FLVCR2: variants seen among roughly 807,000 people sequenced by gnomAD.
FLVCR2 encodes FLVCR choline and putative heme transporter 2.
A neutral mutation model predicts 48.9 loss-of-function variants in FLVCR2; 38 were observed. The ratio of observed to expected loss-of-function variants is 0.78; its 90% CI spans 0.60 to 1.02. The LOEUF (loss-of-function observed/expected upper bound fraction) is 1.02. Ranked by LOEUF, FLVCR2 falls within the 50% of genes least tolerant of loss-of-function variation. FLVCR2 has a pLI of 0.00. For missense variants in FLVCR2, 664 were observed against 663.3 expected (o/e 1.00, Z -0.01); for synonymous variants, 255 against 257.0 (o/e 0.99, Z 0.07).
intron 1 of FLVCR2, among the ~76,000 whole-genome samples, chr14:75,588,089 AT>A (rs953153190): frequency 6.6e-6 from 1 of 152,100 alleles, no homozygotes; most frequent in African/African-American, 2.4e-5. Flanking sequence ...AAAGATGTAA[AT>A]TTTTTTTAAG....
intron 1 of FLVCR2, among the ~76,000 whole-genome samples, chr14:75,597,596 G>T (rs907390100): frequency 6.6e-6 from 1 of 151,648 alleles, no homozygotes; most frequent in Non-Finnish European, 1.5e-5. Context: ...TTGAGATAGA[G>T]TCTCACTTTG....
intron 1 of FLVCR2, among the ~76,000 whole-genome samples, chr14:75,611,076 C>T (rs1889432689): frequency 6.6e-6 from 1 of 152,182 alleles, no homozygotes; most frequent in South Asian, 2.1e-4. Context: ...GTCAATGTCC[C>T]TGTCCTCAAG....
chr14:75,606,948 A>C (rs75921818), intron 1 of FLVCR2, among the ~76,000 whole-genome samples: 1 of 150,288 alleles, frequency 6.7e-6, no homozygotes, highest in Non-Finnish European at 1.5e-5. Flanking sequence ...TGTCTTAAGA[A>C]AAAAAAAAAA....
intron 1 of FLVCR2, among the ~76,000 whole-genome samples, chr14:75,586,653 G>C (rs1480202762): frequency 1.3e-5 from 2 of 152,100 alleles, no homozygotes; most frequent in East Asian, 3.9e-4. Context: ...TACCAGGAAG[G>C]TAATCACCTT....
chr14:75,633,161 G>A (rs1890087441), intron 3 of FLVCR2, among the ~76,000 whole-genome samples: 1 of 152,194 alleles, frequency 6.6e-6, no homozygotes, highest in Admixed American at 6.5e-5. Context: ...GAAAGTTGGA[G>A]GAGGAATGGA....
intron 1 of FLVCR2, 100 bp downstream of exon 1, chr14:75,579,741 T>C (rs1250614050): frequency 7.5e-7 from 1 of 1,327,798 alleles, no homozygotes; most frequent in Admixed American, 1.9e-5. Context: ...CCAACAGTGT[T>C]TGTGACTCTG....
At chr14:75,581,826 A>T (rs1888616715) in intron 1 of FLVCR2, among the ~76,000 whole-genome samples, 1 of 152,192 alleles carries the variant, frequency 6.6e-6, no homozygotes, top group Non-Finnish European at 1.5e-5. Context: ...TGGAACACTG[A>T]GAAGTGATTT....
intron 2 of FLVCR2, 26 bp downstream of exon 2, chr14:75,622,246 G>A (rs758344932): frequency 2.5e-6 from 4 of 1,612,976 alleles, no homozygotes; most frequent in South Asian, 1.1e-5. Context: ...AACAGATGGG[G>A]TAGCAGGGGG....
At chr14:75,586,061 C>A (rs940831088) in intron 1 of FLVCR2, among the ~76,000 whole-genome samples, 1 of 152,162 alleles carries the variant, frequency 6.6e-6, no homozygotes, top group Non-Finnish European at 1.5e-5. Context: ...CCTGGGTCTT[C>A]GGCACTAAAT....
At chr14:75,602,981 T>A (rs1889201979) in intron 1 of FLVCR2, among the ~76,000 whole-genome samples, 1 of 152,210 alleles carries the variant, frequency 6.6e-6, no homozygotes, top group Non-Finnish European at 1.5e-5. Context: ...GTGTACCTGC[T>A]GGGTCTGTTC....
chr14:75,627,076 C>G (rs1889916462), intron 3 of FLVCR2, among the ~76,000 whole-genome samples: 1 of 151,878 alleles, frequency 6.6e-6, no homozygotes, highest in Non-Finnish European at 1.5e-5. Flanking sequence ...AACATTGTTG[C>G]TCCTGGTCAT....
intron 3 of FLVCR2, among the ~76,000 whole-genome samples, chr14:75,628,314 C>T (rs1472512841): frequency 1.3e-5 from 2 of 152,038 alleles, no homozygotes; most frequent in Non-Finnish European, 2.9e-5. Context: ...AGGGTTTCAC[C>T]ATGTTGACCA....
intron 1 of FLVCR2, among the ~76,000 whole-genome samples, chr14:75,588,551 T>C (rs2140006853): frequency 6.6e-6 from 1 of 152,328 alleles, no homozygotes; most frequent in South Asian, 2.1e-4. Flanking sequence ...GACAGCATCT[T>C]GGCTCACTGC....
chr14:75,601,441 C>T (rs1238339320), intron 1 of FLVCR2, among the ~76,000 whole-genome samples: 1 of 152,076 alleles, frequency 6.6e-6, no homozygotes, highest in Non-Finnish European at 1.5e-5. Context: ...GTCAATAGCA[C>T]CTAAAAAGGT....
At chr14:75,631,723 CT>C in intron 3 of FLVCR2, 1 of 455,646 alleles carries the variant, frequency 2.2e-6, no homozygotes, top group South Asian at 1.6e-5. Flanking sequence ...CGGGAGGAGA[CT>C]ATTTTCTTTC....
chr14:75,643,244 A>G (rs1461905146), intron 9 of FLVCR2, among the ~76,000 whole-genome samples: 1 of 152,240 alleles, frequency 6.6e-6, no homozygotes, highest in Admixed American at 6.5e-5. Context: ...GTCTGTGGAC[A>G]TTAAGGTTGT....
Position 75,632,766 on chromosome 14 carries a change from C to G in FLVCR2, c.953-863C>G. ...TAAAGTTAGAAAGACCCCCGGTGGGCATTATGGAGTGGCAGTACTTATTAT... is the reference window on the plus strand; with the variant it reads ...TAAAGTTAGAAAGACCCCCGGTGGGGATTATGGAGTGGCAGTACTTATTAT... On this transcript the variant is annotated intron_variant, in intron 3 of 9. Transcript: ENST00000238667. 1.1e-5 allele frequency: 8 copies of G among 702,252 alleles called. 1 individual carries two copies. The highest frequency in any genetic ancestry group is 1.0e-4 in the South Asian group (7 of 67,586). 43.5% of individuals were successfully genotyped at this position (702,252 alleles called of 1,614,324 possible).
Position 75,579,254 on chromosome 14 carries a change from C to T in FLVCR2, c.282C>T (p.Tyr94=). 3 of 1,614,252 alleles carry T rather than the reference C, an allele frequency of 1.9e-6. No individual in the cohort carries two copies. Among genetic ancestry groups the T allele is most frequent in the Non-Finnish European group, 2.5e-6 (3 of 1,180,056 alleles). The part of the protein sequence containing the change: ...RWAVVLVFSC[Y]SMCNSFQWIQ... ...CCGTGGTCCTGGTGTTTAGCTGCTACTCCATGTGCAACTCCTTTCAGTGGA... is the reference window on the plus strand; with the variant it reads ...CCGTGGTCCTGGTGTTTAGCTGCTATTCCATGTGCAACTCCTTTCAGTGGA... Residue 94 remains tyrosine (Y), a synonymous_variant, in exon 1 of 10, where the codon TAC becomes TAT. Coordinates refer to ENST00000238667, the MANE Select transcript of FLVCR2 (RefSeq NM_017791.3).
rs200355678 is a variant in FLVCR2, at chr14:75,638,326, A to G, written c.1125-1026A>G. On this transcript the variant is annotated intron_variant, in intron 5 of 9. Coordinates refer to ENST00000238667, the MANE Select transcript of FLVCR2 (RefSeq NM_017791.3). ...GTGGCGCATGCCTGTAATCTCAGCT[A>G]CTTGGGAGGCTGAGGCAGAAGAATC... 1.3e-4 allele frequency among the ~76,000 whole-genome samples: 20 copies of G among 152,266 alleles called. No individual in the cohort carries two copies. In the East Asian group the frequency reaches 3.9e-3, roughly 29 times the overall value.
Sources: allele counts gnomAD v4.1 joint callset (sites outside exome capture counted in the v4.1 genomes callset), GRCh38; gene constraint gnomAD v4.1.1; transcripts MANE v1.5; gene names NCBI Gene and HGNC (gene_info 2026-07-23, HGNC 2026-07-21).